The following CSMD1 variants were observed in gnomAD, a reference collection of about 807,000 sequenced individuals.
CSMD1 encodes CUB and sushi domain-containing protein 1.
A neutral mutation model predicts 417.5 loss-of-function variants in CSMD1; 213 were observed. The ratio of observed to expected loss-of-function variants is 0.51; its 90% CI spans 0.46 to 0.57. CSMD1 has a LOEUF of 0.57. Among genes scored for constraint, CSMD1 ranks in the 20% least tolerant of loss-of-function variants. The pLI, the probability that CSMD1 is intolerant of heterozygous loss-of-function variation, is 0.00. For missense variants in CSMD1, 6,923 were observed against 4,529.7 expected (o/e 1.53, Z -15.17); for synonymous variants, 2,862 against 1,736.8 (o/e 1.65, Z -16.11).
chr8:3,204,776 G>A (rs933261433), intron 31 of CSMD1, among the ~76,000 whole-genome samples: 3 of 152,158 alleles, frequency 2.0e-5, no homozygotes, highest in Non-Finnish European at 4.4e-5. Flanking sequence ...ACTATGTAGC[G>A]TTTTCAATTT....
chr8:3,058,242 T>C (rs1812365196), intron 49 of CSMD1, among the ~76,000 whole-genome samples: 1 of 152,212 alleles, frequency 6.6e-6, no homozygotes, highest in Non-Finnish European at 1.5e-5. Context: ...CTTTCTATAG[T>C]TGTCTGTATT....
chr8:4,047,138 C>G (rs182628876), intron 3 of CSMD1, among the ~76,000 whole-genome samples: 9 of 152,286 alleles, frequency 5.9e-5, no homozygotes, highest in African/African-American at 2.2e-4. Flanking sequence ...AGAAGCAGAG[C>G]AGCCTGCAAC....
intron 10 of CSMD1, among the ~76,000 whole-genome samples, chr8:3,531,859 C>T (rs1488107274): frequency 1.3e-5 from 2 of 152,142 alleles, no homozygotes; most frequent in Admixed American, 6.5e-5. Context: ...GGGGCCAGGC[C>T]GGTCCACCAT....
At chr8:3,289,149 C>T (rs1803367505) in intron 25 of CSMD1, among the ~76,000 whole-genome samples, 3 of 147,558 alleles carry the variant, frequency 2.0e-5, no homozygotes, top group Admixed American at 2.0e-4. Flanking sequence ...CTACAAAGCA[C>T]ATGAACTCAT....
intron 5 of CSMD1, among the ~76,000 whole-genome samples, chr8:3,780,422 C>G (rs1302765635): frequency 6.6e-6 from 1 of 152,210 alleles, no homozygotes; most frequent in Non-Finnish European, 1.5e-5. Context: ...ATCAACACTG[C>G]TGACTCACTA....
At chr8:3,114,476 G>A (rs890028660) in intron 42 of CSMD1, among the ~76,000 whole-genome samples, 1 of 150,260 alleles carries the variant, frequency 6.7e-6, no homozygotes, top group Non-Finnish European at 1.5e-5. Flanking sequence ...AAAATATCTT[G>A]ACTCTCAATA....
chr8:3,265,616 A>C (rs977761741), intron 26 of CSMD1, among the ~76,000 whole-genome samples: 1 of 152,230 alleles, frequency 6.6e-6, no homozygotes, highest in African/African-American at 2.4e-5. Flanking sequence ...CCAAGAGTGA[A>C]GGAGAGGAGT....
rs73494604 is a variant in CSMD1, at chr8:4,042,102, G to C, written c.416-10003C>G. 8.3e-3 allele frequency among the ~76,000 whole-genome samples: 1,262 copies of C among 151,842 alleles called. 21 individuals are homozygous for C. The highest frequency in any genetic ancestry group is 0.029 in the African/African-American group (1,203 of 41,420). ...AAGGCAGGGAACACAAAGAGGGACA[G>C]AAAAAAAGAAGAAAAGGAAACAAAT... On this transcript the variant is annotated intron_variant, in intron 3 of 69. Transcript: ENST00000635120.
intron 23 of CSMD1, among the ~76,000 whole-genome samples, chr8:3,320,965 A>G (rs993174175): frequency 2.0e-5 from 3 of 152,174 alleles, no homozygotes; most frequent in African/African-American, 7.2e-5. Flanking sequence ...GTACGTAACC[A>G]ACATTTTTGG....
intron 3 of CSMD1, among the ~76,000 whole-genome samples, chr8:4,229,555 TC>T (rs1428499250): frequency 6.6e-6 from 1 of 152,110 alleles, no homozygotes; most frequent in Non-Finnish European, 1.5e-5. Flanking sequence ...TACCCAGCAT[TC>T]CCCATCCTCA....
intron 52 of CSMD1, among the ~76,000 whole-genome samples, chr8:3,018,106 A>G (rs373575399): frequency 2.0e-5 from 3 of 152,200 alleles, no homozygotes; most frequent in East Asian, 1.9e-4. Context: ...ACTTATGTCA[A>G]TTTGGATGAA....
At chr8:3,705,620 G>T (rs73658213) in intron 7 of CSMD1, among the ~76,000 whole-genome samples, 5 of 152,196 alleles carry the variant, frequency 3.3e-5, no homozygotes, top group African/African-American at 9.7e-5. Context: ...AGGGGGCTGT[G>T]GAACAAGAGC....
At position 4,114,340 on chromosome 8, in the gene CSMD1, C is replaced by T. The variant is rs574374734; in HGVS notation, c.416-82241G>A. Among the ~76,000 whole-genome samples the T allele has an allele frequency of 9.2e-4, 140 of 152,240 alleles. 3 individuals carry two copies. In the South Asian group the frequency reaches 0.012, roughly 13 times the overall value. ...GATGAGACCACATCTGTTTACAGCA[C>T]GGTTAATGCAGTATTTTAAGCCTAC... is the stretch of plus-strand genomic sequence containing the variant. On this transcript the variant is annotated intron_variant, in intron 3 of 69. Transcript: ENST00000635120.
intron 10 of CSMD1, among the ~76,000 whole-genome samples, chr8:3,501,802 T>A (rs1796611860): frequency 6.6e-6 from 1 of 152,188 alleles, no homozygotes; most frequent in Admixed American, 6.5e-5. Flanking sequence ...ATAAATATTA[T>A]CAAATAATTT....
chr8:4,363,788 G>T (rs566061049), intron 3 of CSMD1, among the ~76,000 whole-genome samples: 2 of 152,132 alleles, frequency 1.3e-5, no homozygotes, highest in Admixed American at 1.3e-4. Context: ...CTATGTATAT[G>T]TATCTCATTT....
intron 1 of CSMD1, among the ~76,000 whole-genome samples, chr8:4,764,183 T>C (rs183585119): frequency 7.2e-5 from 11 of 152,328 alleles, no homozygotes; most frequent in Admixed American, 4.6e-4. Flanking sequence ...GCTGAAATCA[T>C]GAGAGTGACC....
At chr8:4,530,261 T>A (rs768545322) in intron 2 of CSMD1, among the ~76,000 whole-genome samples, 4 of 147,480 alleles carry the variant, frequency 2.7e-5, no homozygotes, top group Non-Finnish European at 6.0e-5. Flanking sequence ...TGTGTCTTCA[T>A]CATCCGGATT....
intron 2 of CSMD1, among the ~76,000 whole-genome samples, chr8:4,592,119 G>T (rs908940372): frequency 6.6e-6 from 1 of 151,974 alleles, no homozygotes; most frequent in Non-Finnish European, 1.5e-5. Flanking sequence ...GGCTTTGCTG[G>T]CATAACGGAT....
At chr8:3,118,663 C>T in intron 41 of CSMD1, 76 bp from the exon 42 acceptor site, 1 of 1,286,410 alleles carries the variant, frequency 7.8e-7, no homozygotes, top group Non-Finnish European at 1.1e-6. Flanking sequence ...GGAGTGTCAT[C>T]ACATGTGACT....
Sources: allele counts gnomAD v4.1 joint callset (sites outside exome capture counted in the v4.1 genomes callset), GRCh38; gene constraint gnomAD v4.1.1; transcripts MANE v1.5; gene names NCBI Gene and HGNC (gene_info 2026-07-23, HGNC 2026-07-21).